Variants in PKP4 observed in about 807,000 individuals in gnomAD.
PKP4 encodes the protein plakophilin 4.
PKP4 carries 90 observed loss-of-function variants against 145.1 expected under a neutral mutation model. That is an observed-to-expected ratio of 0.62 (90% CI 0.52 to 0.74). The LOEUF (loss-of-function observed/expected upper bound fraction) is 0.74, where lower values mean the gene tolerates loss of function less well. PKP4 is among the 30% of genes least tolerant of loss of function. The pLI, the probability that PKP4 is intolerant of heterozygous loss-of-function variation, is 0.00. For missense variants in PKP4, 1,340 were observed against 1,482.7 expected (o/e 0.90, Z 1.58); for synonymous variants, 563 against 577.2 (o/e 0.98, Z 0.35).
intron 13 of PKP4, 149 bp downstream of exon 13, chr2:158,661,599 T>G (rs529036500): frequency 5.5e-4 from 330 of 600,848 alleles, no homozygotes; most frequent in Non-Finnish European, 7.9e-4. Flanking sequence ...GTCTCCAAAG[T>G]TACAGGGGCA....
chr2:158,584,583 AGT>A (rs1233722743), intron 3 of PKP4, among the ~76,000 whole-genome samples: 1 of 152,184 alleles, frequency 6.6e-6, no homozygotes, highest in East Asian at 1.9e-4. Flanking sequence ...GCACTTTGGG[AGT>A]CCTAAGCAGG....
chr2:158,674,515 ACCT>A (rs1400756618), intron 19 of PKP4, among the ~76,000 whole-genome samples: 2 of 151,958 alleles, frequency 1.3e-5, no homozygotes, highest in African/African-American at 4.8e-5. Context: ...TTCCAGTTAA[ACCT>A]CCTTCCTCTG....
At chr2:158,597,802 C>G (rs1032547225) in intron 3 of PKP4, among the ~76,000 whole-genome samples, 1 of 151,894 alleles carries the variant, frequency 6.6e-6, no homozygotes, top group Non-Finnish European at 1.5e-5. Context: ...TTTCTTGACA[C>G]AATTATTTTT....
chr2:158,545,763 T>G (rs931236748), intron 2 of PKP4, among the ~76,000 whole-genome samples: 3 of 152,168 alleles, frequency 2.0e-5, no homozygotes, highest in Non-Finnish European at 4.4e-5. Context: ...TTTAATTAGT[T>G]TAGTGTTTGT....
At chr2:158,586,290 T>TG (rs1205476792) in intron 3 of PKP4, among the ~76,000 whole-genome samples, 1 of 152,110 alleles carries the variant, frequency 6.6e-6, no homozygotes, top group Admixed American at 6.5e-5. Context: ...TTGGGAGAGG[T>TG]GGGAGCAAAG....
rs1267018603 is a variant in PKP4, at chr2:158,578,051, C to T, written c.245+668C>T. The T allele has an allele frequency of 4.8e-5, 8 of 166,082 alleles. No individual in the cohort carries two copies. In the Admixed American group the frequency reaches 5.2e-4, roughly 11 times the overall value. 10.3% of individuals were successfully genotyped at this position (166,082 alleles called of 1,614,324 possible). ...TAATTACATATTTCTGTAAAGCCTA[C>T]TGTAAAATGCTTTCATTGCTTGCAG... On this transcript the variant is annotated intron_variant, in intron 3 of 21. Transcript: ENST00000389759.
intron 1 of PKP4, among the ~76,000 whole-genome samples, chr2:158,527,003 A>G (rs1202264251): frequency 1.6e-5 from 2 of 123,464 alleles, no homozygotes; most frequent in Admixed American, 1.8e-4. Flanking sequence ...AACAAATGGA[A>G]GAACATTCCA....
chr2:158,665,440 G>A (rs1295935616), intron 15 of PKP4, among the ~76,000 whole-genome samples: 2 of 152,062 alleles, frequency 1.3e-5, no homozygotes, highest in Non-Finnish European at 2.9e-5. Flanking sequence ...TATTCTGTTG[G>A]TATTCAAGAA....
intron 3 of PKP4, among the ~76,000 whole-genome samples, chr2:158,579,981 G>A (rs529298442): frequency 6.6e-6 from 1 of 152,232 alleles, no homozygotes; most frequent in Non-Finnish European, 1.5e-5. Context: ...ACCAATTTAA[G>A]ATAGTGGAAC....
At chr2:158,513,866 A>C (rs2041723980) in intron 1 of PKP4, among the ~76,000 whole-genome samples, 1 of 151,732 alleles carries the variant, frequency 6.6e-6, no homozygotes, top group South Asian at 2.1e-4. Flanking sequence ...CCAATTTTAG[A>C]CTGTTGGCAT....
At chr2:158,584,136 C>A (rs559137258) in intron 3 of PKP4, among the ~76,000 whole-genome samples, 1 of 152,304 alleles carries the variant, frequency 6.6e-6, no homozygotes, top group East Asian at 1.9e-4. Flanking sequence ...TCGAGGCCAA[C>A]TGAGGCTCCG....
At chr2:158,661,305 G>A (rs1328443091) in intron 12 of PKP4, 28 bp from the exon 13 acceptor site, 5 of 1,517,282 alleles carry the variant, frequency 3.3e-6, no homozygotes, top group Non-Finnish European at 4.6e-6. Flanking sequence ...GTTCATCTCA[G>A]CAGCTCCTCC....
chr2:158,612,765 ATCATTATTAACTAT>A (rs2051253286), intron 4 of PKP4, among the ~76,000 whole-genome samples: 1 of 152,186 alleles, frequency 6.6e-6, no homozygotes, highest in Non-Finnish European at 1.5e-5. Context: ...ATTTTTAAAT[ATCATTATTAACTAT>A]TCATTAAATC....
At chr2:158,625,878 T>A (rs2052729073) in intron 7 of PKP4, among the ~76,000 whole-genome samples, 1 of 152,196 alleles carries the variant, frequency 6.6e-6, no homozygotes, top group Non-Finnish European at 1.5e-5. Context: ...TAATATAGAC[T>A]AGACTATGAA....
intron 2 of PKP4, among the ~76,000 whole-genome samples, chr2:158,543,991 A>G (rs1235219474): frequency 6.6e-6 from 1 of 152,188 alleles, no homozygotes; most frequent in Admixed American, 6.5e-5. Flanking sequence ...ATCTCATTTG[A>G]AATGAGAGGA....
intron 1 of PKP4, among the ~76,000 whole-genome samples, chr2:158,504,472 C>A (rs984152838): frequency 6.6e-6 from 1 of 152,128 alleles, no homozygotes; most frequent in Non-Finnish European, 1.5e-5. Flanking sequence ...TTCTTGTAGT[C>A]CTGAGGATGG....
At chr2:158,473,620 C>A (rs1381903154) in intron 1 of PKP4, among the ~76,000 whole-genome samples, 5 of 150,888 alleles carry the variant, frequency 3.3e-5, no homozygotes, top group Non-Finnish European at 5.9e-5. Flanking sequence ...AAGTCACAGA[C>A]ACAAAGAAGG....
chr2:158,591,471 A>G (rs1455634040), intron 3 of PKP4, among the ~76,000 whole-genome samples: 2 of 152,116 alleles, frequency 1.3e-5, no homozygotes, highest in Admixed American at 1.3e-4. Context: ...TGTCAATGAA[A>G]TAAGTTTGGC....
At chr2:158,603,448 CTG>C (rs1416501797) in intron 4 of PKP4, among the ~76,000 whole-genome samples, 12 of 151,970 alleles carry the variant, frequency 7.9e-5, no homozygotes, top group African/African-American at 2.9e-4. Context: ...GGGTATTTCA[CTG>C]TGTTTATCAT....
Sources: gnomAD v4.1 joint callset for allele counts (sites outside exome capture counted in the v4.1 genomes callset) on GRCh38, gnomAD v4.1.1 for gene constraint, MANE v1.5 for transcripts, NCBI Gene and HGNC (gene_info 2026-07-23, HGNC 2026-07-21) for gene names.